SYT14: variants seen among roughly 807,000 people sequenced by gnomAD.
SYT14 encodes the protein synaptotagmin 14.
A neutral mutation model predicts 74.2 loss-of-function variants in SYT14; 32 were observed. That is an observed-to-expected ratio of 0.43 (90% CI 0.33 to 0.58). SYT14 has a LOEUF of 0.58. SYT14 is among the 20% of genes least tolerant of loss of function. The pLI, the probability that SYT14 is intolerant of heterozygous loss-of-function variation, is 0.05. For missense variants in SYT14, 791 were observed against 981.8 expected (o/e 0.81, Z 2.60); for synonymous variants, 298 against 337.7 (o/e 0.88, Z 1.29).
chr1:210,099,992 T>C lies in SYT14; in HGVS notation c.1585-20T>C. On this transcript the variant is annotated intron_variant, in intron 6 of 9. Coordinates refer to ENST00000637265, the Ensembl canonical transcript of SYT14. ...AATAATTGAGTTAAAAACTCTAACA[T>C]TTAAATTTTCTTTTCTTAGGATATG... 1 of 1,609,268 alleles carries C rather than the reference T, an allele frequency of 6.2e-7. No individual in the cohort carries two copies. Among genetic ancestry groups the C allele is most frequent in the South Asian group, 1.1e-5 (1 of 90,564 alleles).
intron 6 of SYT14, among the ~76,000 whole-genome samples, chr1:210,096,546 A>G (rs972634347): frequency 2.3e-4 from 35 of 152,340 alleles, no homozygotes; most frequent in African/African-American, 8.4e-4. Flanking sequence ...TGCAGTGCCC[A>G]TACATCCTGT....
intron 2 of SYT14, chr1:209,953,224 A>G: frequency 7.8e-7 from 1 of 1,287,316 alleles, no homozygotes; most frequent in Admixed American, 2.3e-5. Context: ...GAGCCACCTG[A>G]CAACTGGGTG....
chr1:209,998,307 A>G (rs1039174796), intron 2 of SYT14, among the ~76,000 whole-genome samples: 1 of 152,138 alleles, frequency 6.6e-6, no homozygotes, highest in African/African-American at 2.4e-5. Context: ...AAGAGGACCC[A>G]AACAAATGGA....
intron 5 of SYT14, among the ~76,000 whole-genome samples, chr1:210,090,792 A>C (rs1013543068): frequency 2.2e-4 from 34 of 152,120 alleles, no homozygotes; most frequent in African/African-American, 8.2e-4. Flanking sequence ...TTTTTCTTAT[A>C]TCAATTACAT....
chr1:210,079,073 A>G (rs2081569965), intron 5 of SYT14, among the ~76,000 whole-genome samples: 1 of 152,000 alleles, frequency 6.6e-6, no homozygotes, highest in Non-Finnish European at 1.5e-5. Context: ...CTTTAAAGCT[A>G]TAGTATTGTA....
chr1:209,957,336 G>GT (rs2079009458), intron 2 of SYT14, among the ~76,000 whole-genome samples: 1 of 152,028 alleles, frequency 6.6e-6, no homozygotes, highest in African/African-American at 2.4e-5. Flanking sequence ...TTATGATTTG[G>GT]TAAGTTTTCT....
chr1:210,099,658 A>C (rs1007108769), intron 6 of SYT14, among the ~76,000 whole-genome samples: 3 of 152,224 alleles, frequency 2.0e-5, no homozygotes, highest in Non-Finnish European at 4.4e-5. Flanking sequence ...TTGTAAATGA[A>C]ATTGAAAGTA....
Position 210,145,264 on chromosome 1 carries a change from C to G in SYT14, c.2035-10457C>G, listed in dbSNP as rs557778279. Among the ~76,000 whole-genome samples the G allele has an allele frequency of 4.6e-5, 7 of 152,280 alleles. No individual in the cohort carries two copies. In the South Asian group the frequency reaches 1.0e-3, roughly 23 times the overall value. ...ATCTCAAGTAAAGACTTATCTATCA[C>G]TAGCACAGCTAAGTAAGTTGTGATC... is the stretch of plus-strand genomic sequence containing the variant. On this transcript the variant is annotated intron_variant, in intron 7 of 9. Coordinates refer to ENST00000637265, the Ensembl canonical transcript of SYT14.
chr1:210,029,880 G>T (rs1234217640), intron 5 of SYT14, among the ~76,000 whole-genome samples: 1 of 152,114 alleles, frequency 6.6e-6, no homozygotes, highest in East Asian at 1.9e-4. Context: ...TCAACATAGT[G>T]TGCCTTCTCA....
intron 2 of SYT14, among the ~76,000 whole-genome samples, chr1:209,970,889 A>G (rs757445221): frequency 2.0e-5 from 3 of 151,826 alleles, no homozygotes; most frequent in East Asian, 1.9e-4. Flanking sequence ...CATGTTGGCC[A>G]GGCTCGTCTC....
In SYT14 at chr1:210,161,921, A is replaced by G. The variant is rs1248855215; in HGVS notation, c.*879A>G. 15 of 452,074 alleles carry G rather than the reference A, an allele frequency of 3.3e-5. No homozygotes were observed. In the East Asian group the frequency reaches 7.6e-4, roughly 23 times the overall value. 28.0% of individuals were successfully genotyped at this position (452,074 alleles called of 1,614,324 possible). The stretch of plus-strand genomic sequence containing the variant: ...CAAAATTGCAGTAGTGTGAAAATAC[A>G]TTTTTTACAAACTGAAAATACAGTA... On this transcript the variant is annotated 3_prime_UTR_variant, in exon 10 of 10. Transcript: ENST00000637265.
chr1:210,032,189 C>G (rs846554), intron 5 of SYT14, among the ~76,000 whole-genome samples: 52,113 of 151,816 alleles, frequency 0.34, 9,903 homozygotes, highest in Non-Finnish European at 0.42. Context: ...ACACTGCCAT[C>G]TAACTCAGAT....
At chr1:210,093,038 C>A (rs2081904513) in intron 5 of SYT14, among the ~76,000 whole-genome samples, 1 of 152,046 alleles carries the variant, frequency 6.6e-6, no homozygotes, top group African/African-American at 2.4e-5. Context: ...GGGGTTAGAA[C>A]CAGTTCCCCA....
At chr1:210,124,143 G>A (rs1442522122) in intron 7 of SYT14, among the ~76,000 whole-genome samples, 5 of 151,906 alleles carry the variant, frequency 3.3e-5, no homozygotes, top group Non-Finnish European at 5.9e-5. Flanking sequence ...ACAGCAGAGT[G>A]AGTAGTTATG....
intron 5 of SYT14, among the ~76,000 whole-genome samples, chr1:210,061,542 T>C (rs1158003577): frequency 1.3e-5 from 2 of 151,900 alleles, no homozygotes; most frequent in African/African-American, 4.8e-5. Context: ...TGACATAAAC[T>C]AGAGTCTGGT....
chr1:210,078,178 C>G (rs6540579), intron 5 of SYT14, among the ~76,000 whole-genome samples: 1 of 151,480 alleles, frequency 6.6e-6, no homozygotes, highest in South Asian at 2.1e-4. Flanking sequence ...GGCGTGGTAG[C>G]GGGCGCCTGT....
At chr1:209,958,709 CTATT>C (rs1286242505) in intron 2 of SYT14, among the ~76,000 whole-genome samples, 6 of 152,134 alleles carry the variant, frequency 3.9e-5, no homozygotes, top group Non-Finnish European at 5.9e-5. Flanking sequence ...TGTTGCTAAA[CTATT>C]TAACTATTTC....
At chr1:210,099,891 G>A (rs997226117) in intron 6 of SYT14, 121 bp from the exon 6 acceptor site, 6 of 963,724 alleles carry the variant, frequency 6.2e-6, no homozygotes, top group Non-Finnish European at 7.8e-6. Flanking sequence ...AATTATTATT[G>A]TATTACTTTC....
At chr1:210,100,584 C>A in intron 7 of SYT14, 123 bp downstream of exon 6, 2 of 961,746 alleles carry the variant, frequency 2.1e-6, no homozygotes, top group Non-Finnish European at 3.2e-6. Flanking sequence ...AGTAATCATG[C>A]CTTTACAAAA....
Sources: allele counts gnomAD v4.1 joint callset (sites outside exome capture counted in the v4.1 genomes callset), GRCh38; gene constraint gnomAD v4.1.1; transcripts MANE v1.5; gene names NCBI Gene and HGNC (gene_info 2026-07-23, HGNC 2026-07-21).